Variants in CHRNA7 observed in about 807,000 individuals in gnomAD.
The protein encoded by CHRNA7 is cholinergic receptor nicotinic alpha 7 subunit.
CHRNA7 carries 17 observed loss-of-function variants against 48.0 expected under a neutral mutation model. That is an observed-to-expected ratio of 0.35 (90% CI 0.24 to 0.53). The LOEUF is 0.53. Ranked by LOEUF, CHRNA7 falls within the 20% of genes least tolerant of loss-of-function variation. The pLI is 0.92. For missense variants in CHRNA7, 155 were observed against 577.7 expected (o/e 0.27, Z 7.50); for synonymous variants, 75 against 242.3 (o/e 0.31, Z 6.41).
chr15:32,038,056 G>GTA (rs71424637), intron 2 of CHRNA7, among the ~76,000 whole-genome samples: 8,204 of 144,082 alleles, frequency 0.057, 301 homozygotes, highest in East Asian at 0.13. Flanking sequence ...TTTTGGATAT[G>GTA]TATATATATA....
At chr15:32,073,979 C>T (rs1243578845) in intron 2 of CHRNA7, among the ~76,000 whole-genome samples, 1 of 151,798 alleles carries the variant, frequency 6.6e-6, no homozygotes, top group African/African-American at 2.4e-5. Context: ...CATTGTTTTC[C>T]TTCTTCCTGT....
In CHRNA7 at chr15:32,120,888, A is replaced by G. The variant is rs375671212; in HGVS notation, c.350+8989A>G. Among the ~76,000 whole-genome samples the G allele has an allele frequency of 1.6e-4, 25 of 152,294 alleles. No individual in the cohort carries two copies. The South Asian group carries it at 3.7e-3, about 23-fold the overall frequency. ...GATAAATACATGAGACAGGAACTCA[A>G]TGGGCGGTTCAGTCTTCATCATGAG... On this transcript the variant is annotated intron_variant, in intron 4 of 9. Transcript: ENST00000306901.
rs541687983 is a variant in CHRNA7, at chr15:32,044,905, C to A, written c.195+13868C>A. Among the ~76,000 whole-genome samples the A allele has an allele frequency of 1.3e-3, 199 of 152,330 alleles. 2 individuals carry two copies. The highest frequency in any genetic ancestry group is 2.6e-3 in the Non-Finnish European group (176 of 68,030). On this transcript the variant is annotated intron_variant, in intron 2 of 9. Transcript: ENST00000306901. The stretch of plus-strand genomic sequence containing the variant: ...AAGACTAATTTATTCCATATGCCTC[C>A]TATTCTTTGCGGCAATTCCCATTAC...
intron 2 of CHRNA7, among the ~76,000 whole-genome samples, chr15:32,043,090 T>C (rs1475903180): frequency 6.6e-6 from 1 of 152,234 alleles, no homozygotes; most frequent in Non-Finnish European, 1.5e-5. Context: ...TGATGTATGG[T>C]GCCTTAAGCA....
At chr15:32,111,642 T>TCCC (rs1472230038) in intron 3 of CHRNA7, 148 bp from the exon 4 acceptor site, 1 of 571,612 alleles carries the variant, frequency 1.7e-6, no homozygotes, top group Non-Finnish European at 3.1e-6. Context: ...ATTTTTGAAT[T>TCCC]CCCATTTTCA....
At chr15:32,051,064 G>A (rs901583496) in intron 2 of CHRNA7, among the ~76,000 whole-genome samples, 2 of 151,868 alleles carry the variant, frequency 1.3e-5, no homozygotes, top group African/African-American at 4.8e-5. Flanking sequence ...CTACTTGGGG[G>A]TGCCTCCCAG....
intron 3 of CHRNA7, among the ~76,000 whole-genome samples, chr15:32,105,046 A>G (rs2141267273): frequency 6.6e-6 from 1 of 152,346 alleles, no homozygotes; most frequent in Non-Finnish European, 1.5e-5. Context: ...TCCAGTATGG[A>G]ATTCAGATGC....
chr15:32,055,204 C>T (rs947769519), intron 2 of CHRNA7, among the ~76,000 whole-genome samples: 2 of 151,432 alleles, frequency 1.3e-5, no homozygotes, highest in African/African-American at 4.9e-5. Context: ...AGTGTCTAAT[C>T]GTGTCTCTTT....
At chr15:32,105,507 GGAGGAGGAGGAGGAAAA>G (rs969159920) in intron 3 of CHRNA7, among the ~76,000 whole-genome samples, 107 of 151,134 alleles carry the variant, frequency 7.1e-4, no homozygotes, top group South Asian at 1.5e-3. Flanking sequence ...GAGGAAAGGA[GGAGGAGGAGGAGGAAAA>G]GAGGAGGAGG....
At chr15:32,140,704 T>C (rs2051363130) in intron 4 of CHRNA7, among the ~76,000 whole-genome samples, 2 of 152,240 alleles carry the variant, frequency 1.3e-5, no homozygotes, top group African/African-American at 4.8e-5. Context: ...CATGTGTCTG[T>C]TGTCTGCATA....
chr15:32,089,529 G>A (rs1252770850), intron 2 of CHRNA7, among the ~76,000 whole-genome samples: 2 of 150,390 alleles, frequency 1.3e-5, no homozygotes, highest in South Asian at 2.1e-4. Flanking sequence ...CTGTTACACT[G>A]GTTTTGATTT....
intron 2 of CHRNA7, among the ~76,000 whole-genome samples, chr15:32,041,327 C>T (rs1027245859): frequency 1.1e-4 from 16 of 152,194 alleles, no homozygotes; most frequent in African/African-American, 3.9e-4. Flanking sequence ...CATAGACTGT[C>T]GGGGGCCATG....
At chr15:32,062,159 A>G (rs1169135307) in intron 2 of CHRNA7, among the ~76,000 whole-genome samples, 1 of 152,132 alleles carries the variant, frequency 6.6e-6, no homozygotes, top group Non-Finnish European at 1.5e-5. Context: ...TTATATTACC[A>G]CTTTTTGCTT....
intron 4 of CHRNA7, among the ~76,000 whole-genome samples, chr15:32,125,908 T>G (rs2051058083): frequency 6.6e-6 from 1 of 152,108 alleles, no homozygotes. Context: ...GTCATGAATT[T>G]CAGCCCATAC....
intron 2 of CHRNA7, among the ~76,000 whole-genome samples, chr15:32,053,270 C>T (rs532371435): frequency 2.0e-5 from 3 of 152,318 alleles, no homozygotes; most frequent in East Asian, 3.9e-4. Flanking sequence ...CAGAGCTTCT[C>T]GTTTCATCTT....
chr15:32,154,858 T>TC (rs1427784478), intron 5 of CHRNA7, among the ~76,000 whole-genome samples: 13 of 34,088 alleles, frequency 3.8e-4, no homozygotes, highest in Admixed American at 9.0e-4. Context: ...CACTCACCCC[T>TC]CACACACACC....
At chr15:32,060,867 T>C (rs892417371) in intron 2 of CHRNA7, among the ~76,000 whole-genome samples, 3 of 152,166 alleles carry the variant, frequency 2.0e-5, no homozygotes, top group African/African-American at 7.2e-5. Context: ...TGAGGTGCGA[T>C]GGCATTGTTG....
intron 2 of CHRNA7, among the ~76,000 whole-genome samples, chr15:32,061,912 T>TA (rs1457929923): frequency 6.6e-6 from 1 of 152,226 alleles, no homozygotes; most frequent in Non-Finnish European, 1.5e-5. Context: ...CCACACCTCT[T>TA]ACATTCTGTT....
At chr15:32,096,085 A>G in intron 2 of CHRNA7, among the ~76,000 whole-genome samples, 1 of 152,242 alleles carries the variant, frequency 6.6e-6, no homozygotes, top group Middle Eastern at 3.2e-3. Flanking sequence ...GACATATAAA[A>G]TTAAATTTGG....
Sources: gnomAD v4.1 joint callset for allele counts (sites outside exome capture counted in the v4.1 genomes callset) on GRCh38, gnomAD v4.1.1 for gene constraint, MANE v1.5 for transcripts, NCBI Gene and HGNC (gene_info 2026-07-23, HGNC 2026-07-21) for gene names.